Variants in BRINP3 observed in about 807,000 individuals in gnomAD.
BRINP3 encodes BMP/retinoic acid inducible neural specific 3, also known as BMP/retinoic acid-inducible neural-specific protein 3.
Under a neutral mutation model 71.0 loss-of-function variants are expected in BRINP3, and 19 were observed. That is an observed-to-expected ratio of 0.27 (90% CI 0.19 to 0.39). The LOEUF (loss-of-function observed/expected upper bound fraction) is 0.39, where lower values mean the gene tolerates loss of function less well. BRINP3 is among the 10% of genes least tolerant of loss of function. The probability of loss-of-function intolerance (pLI) is 1.00; values close to 1 mark genes in which losing one functional copy is unlikely to be tolerated. For missense variants in BRINP3, 959 were observed against 940.8 expected (o/e 1.02, Z -0.25); for synonymous variants, 380 against 337.7 (o/e 1.13, Z -1.37).
intron 7 of BRINP3, among the ~76,000 whole-genome samples, chr1:190,151,726 T>A (rs1262545464): frequency 2.0e-5 from 3 of 152,160 alleles, no homozygotes; most frequent in African/African-American, 7.2e-5. Flanking sequence ...AATGAAGTAA[T>A]TGTTTGCCAG....
chr1:190,273,504 T>A (rs1571593701), intron 3 of BRINP3, among the ~76,000 whole-genome samples: 1 of 151,516 alleles, frequency 6.6e-6, no homozygotes, highest in Non-Finnish European at 1.5e-5. Context: ...TTTGTGGTGG[T>A]TTATGGTCAT....
chr1:190,382,339 T>A (rs537694788), intron 2 of BRINP3, among the ~76,000 whole-genome samples: 2 of 152,120 alleles, frequency 1.3e-5, no homozygotes, highest in African/African-American at 4.8e-5. Flanking sequence ...TAATACACCA[T>A]CACAAATGAA....
intron 6 of BRINP3, among the ~76,000 whole-genome samples, chr1:190,178,808 C>CAATA (rs1375145565): frequency 6.6e-6 from 1 of 151,904 alleles, no homozygotes; most frequent in African/African-American, 2.4e-5. Flanking sequence ...AATGATAAAA[C>CAATA]AATATCTCAG....
intron 1 of BRINP3, among the ~76,000 whole-genome samples, chr1:190,458,192 A>C (rs1676138645): frequency 6.6e-6 from 1 of 152,036 alleles, no homozygotes; most frequent in African/African-American, 2.4e-5. Flanking sequence ...TTCTGTACAG[A>C]AATAATTTTT....
At chr1:190,282,438 T>C (rs1663110463) in intron 2 of BRINP3, among the ~76,000 whole-genome samples, 1 of 151,952 alleles carries the variant, frequency 6.6e-6, no homozygotes, top group Admixed American at 6.6e-5. Context: ...ATCAATCTGA[T>C]AATAAATTAG....
chr1:190,403,605 T>G (rs1027024880), intron 2 of BRINP3, among the ~76,000 whole-genome samples: 2 of 152,192 alleles, frequency 1.3e-5, no homozygotes, highest in African/African-American at 4.8e-5. Flanking sequence ...GATGAATGGT[T>G]TAATGATCGC....
At chr1:190,372,558 G>T (rs1361479344) in intron 2 of BRINP3, among the ~76,000 whole-genome samples, 1 of 152,168 alleles carries the variant, frequency 6.6e-6, no homozygotes, top group Admixed American at 6.6e-5. Flanking sequence ...TCTGTAACAA[G>T]AGGTGACTGC....
intron 7 of BRINP3, among the ~76,000 whole-genome samples, chr1:190,145,527 A>G (rs940765979): frequency 3.3e-5 from 5 of 152,148 alleles, no homozygotes; most frequent in Admixed American, 3.3e-4. Context: ...TTAATTTCCA[A>G]TCAGGGAAGA....
chr1:190,359,229 C>T (rs911590550), intron 2 of BRINP3, among the ~76,000 whole-genome samples: 14 of 151,952 alleles, frequency 9.2e-5, no homozygotes, highest in Admixed American at 3.3e-4. Context: ...AAGAATTTAA[C>T]TTGGGCCAGG....
intron 2 of BRINP3, among the ~76,000 whole-genome samples, chr1:190,406,449 C>G (rs180856251): frequency 1.3e-5 from 2 of 152,288 alleles, no homozygotes; most frequent in Admixed American, 1.3e-4. Flanking sequence ...TCAGAACTAT[C>G]TAGATGAATC....
At chr1:190,388,485 A>C (rs1671052874) in intron 2 of BRINP3, among the ~76,000 whole-genome samples, 1 of 151,824 alleles carries the variant, frequency 6.6e-6, no homozygotes, top group Non-Finnish European at 1.5e-5. Context: ...AGACACAGAG[A>C]GTGAATGCCA....
intron 2 of BRINP3, among the ~76,000 whole-genome samples, chr1:190,448,885 A>G (rs1047456874): frequency 6.6e-6 from 1 of 151,932 alleles, no homozygotes; most frequent in African/African-American, 2.4e-5. Context: ...CAAAATACAC[A>G]TGAAGCTTTT....
At chr1:190,175,785 G>T (rs1652452538) in intron 6 of BRINP3, among the ~76,000 whole-genome samples, 1 of 152,176 alleles carries the variant, frequency 6.6e-6, no homozygotes, top group Non-Finnish European at 1.5e-5. Flanking sequence ...CACATTTCTT[G>T]TGACTTTCAG....
chr1:190,133,394 CT>C (rs1654704164), intron 7 of BRINP3, among the ~76,000 whole-genome samples: 1 of 151,966 alleles, frequency 6.6e-6, no homozygotes, highest in South Asian at 2.1e-4. Context: ...AAGAATTTTA[CT>C]TCTGAGCATG....
intron 7 of BRINP3, among the ~76,000 whole-genome samples, chr1:190,106,501 T>A (rs1189231060): frequency 6.6e-6 from 1 of 151,506 alleles, no homozygotes; most frequent in Non-Finnish European, 1.5e-5. Flanking sequence ...TTTCATTTCA[T>A]CCTTCATAGA....
chr1:190,449,525 T>C (rs76751759), intron 2 of BRINP3, among the ~76,000 whole-genome samples: 2 of 152,062 alleles, frequency 1.3e-5, no homozygotes, highest in African/African-American at 2.4e-5. Context: ...CATACTGTCA[T>C]GTAATGCAAG....
chr1:190,241,011 T>C (rs944328311), intron 4 of BRINP3, among the ~76,000 whole-genome samples: 6 of 151,906 alleles, frequency 3.9e-5, no homozygotes, highest in Non-Finnish European at 8.8e-5. Flanking sequence ...AGGGCAATAA[T>C]TTATTTCTAT....
intron 7 of BRINP3, among the ~76,000 whole-genome samples, chr1:190,118,484 ATCTCGCCTTTATTAACTCACG>A (rs1323826729): frequency 1.3e-5 from 2 of 152,174 alleles, no homozygotes; most frequent in Non-Finnish European, 1.5e-5. Context: ...TTTTCTAAAC[ATCTCGCCTTTATTAACTCACG>A]TCTCGCCTTT....
At chr1:190,353,006 C>T (rs1668496591) in intron 2 of BRINP3, among the ~76,000 whole-genome samples, 2 of 150,950 alleles carry the variant, frequency 1.3e-5, no homozygotes, top group East Asian at 1.9e-4. Context: ...AGGAAAGATG[C>T]CTTATCTTTG....
Sources: gnomAD v4.1 joint callset for allele counts (sites outside exome capture counted in the v4.1 genomes callset) on GRCh38, gnomAD v4.1.1 for gene constraint, MANE v1.5 for transcripts, NCBI Gene and HGNC (gene_info 2026-07-23, HGNC 2026-07-21) for gene names.